The following HTN1 variants were observed in gnomAD, a reference collection of about 807,000 sequenced individuals.
The protein encoded by HTN1 is histatin-1.
A neutral mutation model predicts 11.2 loss-of-function variants in HTN1; 18 were observed. The observed-to-expected ratio is 1.61, with a 90% CI of 1.12 to 2.39. The LOEUF is 2.39. HTN1 is among the 30% of genes most tolerant of loss of function. The pLI, the probability that HTN1 is intolerant of heterozygous loss-of-function variation, is 0.00. For synonymous variants in HTN1, 21 were observed against 20.5 expected (o/e 1.02, Z -0.07); for missense variants, 80 against 67.2 (o/e 1.19, Z -0.67).
chr4:70,055,103 C>T (rs1268405520), intron 4 of HTN1, among the ~76,000 whole-genome samples: 1 of 151,934 alleles, frequency 6.6e-6, no homozygotes, highest in Non-Finnish European at 1.5e-5. Context: ...AAAGTAAGAT[C>T]ACTAAAGGAA....
intron 2 of HTN1, among the ~76,000 whole-genome samples, chr4:70,053,649 A>G (rs1185722628): frequency 6.6e-6 from 1 of 152,168 alleles, no homozygotes; most frequent in African/African-American, 2.4e-5. Context: ...ATGAGTTCCC[A>G]GCTCTATTGT....
At chr4:70,054,778 C>T (rs577015733) in intron 4 of HTN1, among the ~76,000 whole-genome samples, 6 of 152,060 alleles carry the variant, frequency 3.9e-5, no homozygotes, top group African/African-American at 1.4e-4. Flanking sequence ...CTTAATAAAG[C>T]ATAGAGGCTA....
rs528824476 is a variant in HTN1 at position 70,051,836 on chromosome 4, T to C, written c.-13-1228T>C. Among the ~76,000 whole-genome samples, 52 of 152,214 alleles carry C rather than the reference T, an allele frequency of 3.4e-4. 2 individuals are homozygous for C. The South Asian group carries it at 9.1e-3, about 27-fold the overall frequency. On this transcript the variant is annotated intron_variant, in intron 1 of 5. Transcript: ENST00000246896. Reference sequence around the variant, plus strand: ...GATGAAAAATGTTACTGTAATGTTATATCACAAATGACAGGAAAGAGAGAT... The same window carrying C: ...GATGAAAAATGTTACTGTAATGTTACATCACAAATGACAGGAAAGAGAGAT...
rs142061873 is a variant in HTN1, at chr4:70,053,048, A to T, written c.-13-16A>T. On this transcript the variant is annotated splice_polypyrimidine_tract_variant and intron_variant, in intron 1 of 5. Transcript: ENST00000246896. ...GAAAGAATGTGATTACTGATTTTTC[A>T]TGTTTGATTTTATAGGACTCAGCCA... 203 of 1,510,830 alleles carry T rather than the reference A, an allele frequency of 1.3e-4. No individual in the cohort carries two copies. Among genetic ancestry groups the T allele is most frequent in the Middle Eastern group, 1.3e-3 (7 of 5,586 alleles). 93.6% of individuals were successfully genotyped at this position (1,510,830 alleles called of 1,614,324 possible).
chr4:70,053,495 G>A (rs1405232030), intron 2 of HTN1, among the ~76,000 whole-genome samples: 1 of 152,116 alleles, frequency 6.6e-6, no homozygotes, highest in Non-Finnish European at 1.5e-5. Flanking sequence ...TGGAACCCAA[G>A]TATTAGAGGG....
At chr4:70,053,548 T>A (rs1221433442) in intron 2 of HTN1, among the ~76,000 whole-genome samples, 1 of 152,156 alleles carries the variant, frequency 6.6e-6, no homozygotes, top group South Asian at 2.1e-4. Flanking sequence ...CACAACCTAC[T>A]CTTAAAGTCA....
chr4:70,052,919 G>T, intron 1 of HTN1, 145 bp from the exon 2 acceptor site: 1 of 623,690 alleles, frequency 1.6e-6, no homozygotes, highest in South Asian at 1.9e-5. Flanking sequence ...CCAGGCTGCA[G>T]TGATCTGTGC....
intron 1 of HTN1, 52 bp from the exon 2 acceptor site, chr4:70,053,012 A>G (rs1037557155): frequency 1.9e-6 from 2 of 1,068,874 alleles, no homozygotes; most frequent in African/African-American, 3.1e-5. Context: ...AAGTTTGATG[A>G]ATGAATGCAT....
intron 1 of HTN1, among the ~76,000 whole-genome samples, chr4:70,051,855 G>A (rs192558560): frequency 2.6e-5 from 4 of 152,132 alleles, no homozygotes; most frequent in Admixed American, 2.6e-4. Flanking sequence ...TGACAGGAAA[G>A]AGAGATTAGA....
At chr4:70,056,336 T>G (rs962968423) in intron 5 of HTN1, 3 of 152,090 alleles carry the variant, frequency 2.0e-5, no homozygotes, top group African/African-American at 7.2e-5. Flanking sequence ...GGTAGCCATA[T>G]GCAGAAAACC....
chr4:70,055,457 C>T (rs759843819), intron 4 of HTN1, 41 bp from the exon 5 acceptor site: 12 of 1,375,124 alleles, frequency 8.7e-6, no homozygotes, highest in Non-Finnish European at 1.2e-5. Context: ...TTGTCATTCT[C>T]TATTCTCTGC....
chr4:70,053,319 C>A, intron 2 of HTN1, among the ~76,000 whole-genome samples, 192 bp downstream of exon 2: 1 of 152,142 alleles, frequency 6.6e-6, no homozygotes, highest in East Asian at 1.9e-4. Context: ...ATATTCATCA[C>A]ATACCTACAA....
intron 1 of HTN1, among the ~76,000 whole-genome samples, chr4:70,052,270 T>C (rs1027569025): frequency 6.6e-6 from 1 of 152,206 alleles, no homozygotes; most frequent in Non-Finnish European, 1.5e-5. Flanking sequence ...AATAGAACTC[T>C]GGCTCATAGT....
chr4:70,051,548 A>G (rs2109725189), intron 1 of HTN1, among the ~76,000 whole-genome samples: 1 of 152,282 alleles, frequency 6.6e-6, no homozygotes, highest in African/African-American at 2.4e-5. Context: ...TGTACTTGCA[A>G]CAGAATTGAC....
chr4:70,054,393 T>C, intron 3 of HTN1, 28 bp from the exon 4 acceptor site: 2 of 1,520,036 alleles, frequency 1.3e-6, no homozygotes, highest in South Asian at 2.4e-5. Flanking sequence ...ATATATTGAA[T>C]TTTTAATCTT....
intron 5 of HTN1, chr4:70,055,918 G>T (rs1277179718): frequency 1.1e-5 from 2 of 174,226 alleles, no homozygotes; most frequent in Admixed American, 6.2e-5. Flanking sequence ...ATTGTCTTGG[G>T]TATATGAGCT....
In HTN1 at chr4:70,053,048, A is replaced by G. The variant is rs142061873; in HGVS notation, c.-13-16A>G. 2.6e-5 allele frequency: 39 copies of G among 1,510,830 alleles called. No individual in the cohort carries two copies. In the African/African-American group the frequency reaches 2.6e-4, roughly 10 times the overall value. The allele number at this position is 1,510,830 out of a possible 1,614,324, so 93.6% of individuals were successfully genotyped here. Reference sequence around the variant, plus strand: ...GAAAGAATGTGATTACTGATTTTTCATGTTTGATTTTATAGGACTCAGCCA... The same window carrying G: ...GAAAGAATGTGATTACTGATTTTTCGTGTTTGATTTTATAGGACTCAGCCA... On this transcript the variant is annotated splice_polypyrimidine_tract_variant and intron_variant, in intron 1 of 5. Coordinates refer to ENST00000246896, the MANE Select transcript of HTN1 (RefSeq NM_002159.4).
chr4:70,057,903 A>G (rs1397030395), intron 5 of HTN1: 1 of 152,208 alleles, frequency 6.6e-6, no homozygotes, highest in Non-Finnish European at 1.5e-5. Context: ...TCTAATGAGC[A>G]ATTGCTATAG....
intron 4 of HTN1, among the ~76,000 whole-genome samples, 166 bp downstream of exon 4, chr4:70,054,616 T>A (rs967455478): frequency 3.9e-5 from 6 of 152,062 alleles, no homozygotes; most frequent in African/African-American, 1.2e-4. Context: ...GTCACAAATA[T>A]CTTGTGTCCT....
Sources: allele counts gnomAD v4.1 joint callset (sites outside exome capture counted in the v4.1 genomes callset), GRCh38; gene constraint gnomAD v4.1.1; transcripts MANE v1.5; gene names NCBI Gene and HGNC (gene_info 2026-07-23, HGNC 2026-07-21).